The following EFR3A variants were observed in gnomAD, a reference collection of about 807,000 sequenced individuals.
The protein encoded by EFR3A is EFR3 homolog A, also known as protein EFR3 homolog A.
In EFR3A, 76 loss-of-function variants were observed where a neutral mutation model predicts 104.4. The ratio of observed to expected loss-of-function variants is 0.73; its 90% CI spans 0.60 to 0.88. The LOEUF (loss-of-function observed/expected upper bound fraction) is 0.88. Among genes scored for constraint, EFR3A ranks in the 40% least tolerant of loss-of-function variants. The pLI, the probability that EFR3A is intolerant of heterozygous loss-of-function variation, is 0.00. For synonymous variants in EFR3A, 330 were observed against 330.0 expected, an observed-to-expected ratio of 1.00 and a Z score of 0.00; for missense variants, 985 against 1,012.5, an observed-to-expected ratio of 0.97 and a Z score of 0.37.
intron 10 of EFR3A, among the ~76,000 whole-genome samples, chr8:131,971,644 C>T (rs913433275): frequency 2.7e-5 from 4 of 150,460 alleles, no homozygotes; most frequent in Non-Finnish European, 4.4e-5. Context: ...GCCGAGATGG[C>T]GCCACTGCAC....
At chr8:131,978,482 C>T (rs1820427705) in intron 12 of EFR3A, among the ~76,000 whole-genome samples, 1 of 152,214 alleles carries the variant, frequency 6.6e-6, no homozygotes, top group South Asian at 2.1e-4. Context: ...GTCACCTAAG[C>T]TCCTTATATC....
At chr8:131,963,954 G>T (rs1294385142) in intron 8 of EFR3A, among the ~76,000 whole-genome samples, 1 of 152,112 alleles carries the variant, frequency 6.6e-6, no homozygotes, top group Non-Finnish European at 1.5e-5. Context: ...CATATAAACA[G>T]AACCAAAGAC....
intron 2 of EFR3A, among the ~76,000 whole-genome samples, chr8:131,944,212 T>C (rs1315002202): frequency 6.6e-6 from 1 of 152,094 alleles, no homozygotes; most frequent in Non-Finnish European, 1.5e-5. Flanking sequence ...GACCGTTTTA[T>C]AATCCCATAT....
chr8:131,954,871 G>A (rs1818899578), intron 6 of EFR3A, among the ~76,000 whole-genome samples: 1 of 152,008 alleles, frequency 6.6e-6, no homozygotes, highest in African/African-American at 2.4e-5. Flanking sequence ...GAAATGAGAT[G>A]TAATTGATAA....
At chr8:131,958,213 A>G (rs957264843) in intron 7 of EFR3A, among the ~76,000 whole-genome samples, 1 of 152,182 alleles carries the variant, frequency 6.6e-6, no homozygotes, top group Admixed American at 6.5e-5. Context: ...TAACTTGACT[A>G]TTGGGTAAGA....
At chr8:131,992,202 C>G (rs1821224509) in intron 18 of EFR3A, among the ~76,000 whole-genome samples, 1 of 152,108 alleles carries the variant, frequency 6.6e-6, no homozygotes, top group Non-Finnish European at 1.5e-5. Flanking sequence ...CAGGCATGAC[C>G]ACATACTGCT....
chr8:132,010,405 GAGATATATATAT>G (rs1335145913), intron 22 of EFR3A, among the ~76,000 whole-genome samples: 3,236 of 87,976 alleles, frequency 0.037, 150 homozygotes, highest in African/African-American at 0.07. Flanking sequence ...AATCAAGTAT[GAGATATATATAT>G]ATATATATAT....
In EFR3A at chr8:132,001,779, C is replaced by T. The variant is rs768504008; in HGVS notation, c.2178C>T (p.Ile726=). Residue 726 remains isoleucine (I), a synonymous_variant, in exon 20 of 23, where the codon ATC becomes ATT. Transcript: ENST00000254624. ...SDDVVSNTEE[I]TFEALKKAID... ...TCTAGGTTAGTAACACTGAAGAAAT[C>T]ACTTTTGAAGCATTGAAGAAAGCAA... 11 of 1,613,164 alleles carry T rather than the reference C, an allele frequency of 6.8e-6. No individual in the cohort carries two copies. The highest frequency in any genetic ancestry group is 9.3e-6 in the Non-Finnish European group (11 of 1,179,466).
chr8:131,953,812 T>C lies in EFR3A; in HGVS notation c.489-6T>C. 4.0e-6 allele frequency: 6 copies of C among 1,490,954 alleles called. No homozygotes were observed. The highest frequency in any genetic ancestry group is 5.4e-6 in the Non-Finnish European group (6 of 1,121,260). 92.4% of individuals were successfully genotyped at this position (1,490,954 alleles called of 1,614,324 possible). A position where few individuals can be genotyped will look rare whatever the true frequency, so the allele number is the denominator to read the frequency against. On this transcript the variant is annotated splice_polypyrimidine_tract_variant and splice_region_variant and intron_variant, in intron 5 of 22. Coordinates refer to ENST00000254624, the MANE Select transcript of EFR3A (RefSeq NM_015137.6). ...TCATTTTCTTCCTTTTTTTTTTTTT[T>C]TATAGGATACGAATTGCTGGAATTA...
chr8:131,924,150 A>G (rs1563628341), intron 1 of EFR3A: 1 of 433,686 alleles, frequency 2.3e-6, no homozygotes, highest in Non-Finnish European at 4.6e-6. Flanking sequence ...TGTAGAGATC[A>G]TTTATTACCA....
intron 1 of EFR3A, among the ~76,000 whole-genome samples, chr8:131,909,508 T>C (rs1395433646): frequency 6.6e-6 from 1 of 152,222 alleles, no homozygotes; most frequent in East Asian, 1.9e-4. Flanking sequence ...GTCTCACTAC[T>C]ATACTCCAGC....
At chr8:131,990,875 C>T (rs1231932641) in intron 18 of EFR3A, among the ~76,000 whole-genome samples, 1 of 152,078 alleles carries the variant, frequency 6.6e-6, no homozygotes, top group African/African-American at 2.4e-5. Flanking sequence ...CTGGCTTGGG[C>T]ACTTGAGTGA....
chr8:131,905,663 G>A (rs990928369), intron 1 of EFR3A, among the ~76,000 whole-genome samples: 91 of 152,280 alleles, frequency 6.0e-4, no homozygotes, highest in Middle Eastern at 3.4e-3. Flanking sequence ...TTGGCTGGAG[G>A]AATATCATTT....
chr8:132,007,331 A>G (rs986972539), intron 22 of EFR3A, among the ~76,000 whole-genome samples: 1 of 151,938 alleles, frequency 6.6e-6, no homozygotes, highest in Non-Finnish European at 1.5e-5. Context: ...TCAGTATTCA[A>G]AATTCAGTTG....
Position 131,969,544 on chromosome 8 carries a change from GT to G in EFR3A, c.992-922del, listed in dbSNP as rs1162416622. Among the ~76,000 whole-genome samples, 42 of 145,046 alleles carry G rather than the reference GT, an allele frequency of 2.9e-4. 1 individual carries two copies. Among genetic ancestry groups the G allele is most frequent in the African/African-American group, 7.0e-4 (28 of 39,726 alleles). On this transcript the variant is annotated intron_variant, in intron 9 of 22. Coordinates refer to ENST00000254624, the MANE Select transcript of EFR3A (RefSeq NM_015137.6). ...TGTGTGTTTTTTTTTTTTATCGTGG[GT>G]TTTTTTTTTCCCCCGAATATTTTCA...
chr8:132,001,281 T>C (rs1037494986), intron 19 of EFR3A, among the ~76,000 whole-genome samples: 1 of 152,234 alleles, frequency 6.6e-6, no homozygotes, highest in African/African-American at 2.4e-5. Context: ...TAGTTTTCCT[T>C]TTGATTTGTA....
chr8:131,944,989 A>C, intron 3 of EFR3A, 117 bp downstream of exon 3: 1 of 1,147,902 alleles, frequency 8.7e-7, no homozygotes, highest in Non-Finnish European at 1.2e-6. Flanking sequence ...TAGAGGATAA[A>C]ACATTGTAAT....
intron 7 of EFR3A, among the ~76,000 whole-genome samples, chr8:131,958,551 C>A (rs16904560): frequency 0.041 from 6,280 of 151,658 alleles, 318 homozygotes; most frequent in East Asian, 0.12. Context: ...ACGTAGTAGA[C>A]CTTAATAACT....
intron 1 of EFR3A, among the ~76,000 whole-genome samples, chr8:131,928,885 A>G (rs551009980): frequency 6.6e-6 from 1 of 151,884 alleles, no homozygotes; most frequent in Non-Finnish European, 1.5e-5. Context: ...TATTCTTTGC[A>G]TTTTCTAACA....
Sources: gnomAD v4.1 joint callset for allele counts (sites outside exome capture counted in the v4.1 genomes callset) on GRCh38, gnomAD v4.1.1 for gene constraint, MANE v1.5 for transcripts, NCBI Gene and HGNC (gene_info 2026-07-23, HGNC 2026-07-21) for gene names.